The following ANKRD31 variants were observed in gnomAD, a reference collection of about 807,000 sequenced individuals.
ANKRD31 encodes ankyrin repeat domain 31.
A neutral mutation model predicts 186.0 loss-of-function variants in ANKRD31; 147 were observed. That is an observed-to-expected ratio of 0.79 (90% confidence interval 0.69 to 0.91). ANKRD31 has a LOEUF of 0.91. Among genes scored for constraint, ANKRD31 ranks in the 40% least tolerant of loss-of-function variants. The pLI is 0.00. For missense variants in ANKRD31, 1,986 were observed against 2,148.8 expected (o/e 0.92, Z 1.50); for synonymous variants, 673 against 736.4 (o/e 0.91, Z 1.39).
Position 75,146,985 on chromosome 5 carries a change from T to A in ANKRD31, c.2426A>T (p.His809Leu). The change falls in exon 14 of 26, where the codon CAC becomes CTC. Residue 809 changes from histidine (H) to leucine (L), a missense_variant. Physicochemically the swap from His to Leu is moderately conservative, Grantham distance 99. Coordinates refer to ENST00000506364, the MANE Select transcript of ANKRD31 (RefSeq NM_001372053.1). ...TEACSVSKEK[H>L]IQNLDLSDSQ... ...ATCTGATAAATCCAGGTTCTGGATG[T>A]GTTTCTCTTTGGAAACTGAACAAGC... 6.5e-7 allele frequency: 1 copy of A among 1,536,368 alleles called. No homozygotes were observed. The highest frequency in any genetic ancestry group is 8.7e-7 in the Non-Finnish European group (1 of 1,146,308).
intron 17 of ANKRD31, among the ~76,000 whole-genome samples, chr5:75,135,630 T>C (rs551795531): frequency 1.3e-3 from 194 of 152,306 alleles, no homozygotes; most frequent in Admixed American, 2.5e-3. Context: ...CCCATCAAGC[T>C]ACCAATGACT....
rs191847186 is a variant in ANKRD31, at chr5:75,180,421, G to A, written c.1564+8072C>T. Among the ~76,000 whole-genome samples the A allele has an allele frequency of 4.9e-3, 751 of 152,236 alleles. 13 individuals are homozygous for A. The highest frequency in any genetic ancestry group is 0.017 in the African/African-American group (691 of 41,538). Reference sequence around the variant, plus strand: ...ATGGAACCAAAAAAGAGCCCGCATCGCCAAGTCAATCCTGAGCCAAAAGAA... The same window carrying A: ...ATGGAACCAAAAAAGAGCCCGCATCACCAAGTCAATCCTGAGCCAAAAGAA... On this transcript the variant is annotated intron_variant, in intron 10 of 25. Transcript: ENST00000506364.
chr5:75,133,348 A>C (rs993583041), intron 17 of ANKRD31, among the ~76,000 whole-genome samples: 1 of 152,110 alleles, frequency 6.6e-6, no homozygotes, highest in Non-Finnish European at 1.5e-5. Flanking sequence ...AAAAAAAAAA[A>C]CAAGTATTGC....
intron 2 of ANKRD31, 134 bp from the exon 3 acceptor site, chr5:75,222,492 T>TAAAA: frequency 1.6e-6 from 1 of 640,828 alleles, no homozygotes; most frequent in Non-Finnish European, 2.5e-6. Context: ...TCATTTCTTC[T>TAAAA]AAAAAAAAAC....
chr5:75,176,452 C>A (rs1282535701), intron 10 of ANKRD31, among the ~76,000 whole-genome samples: 4 of 152,200 alleles, frequency 2.6e-5, no homozygotes, highest in Non-Finnish European at 4.4e-5. Flanking sequence ...GGGTCCCTGA[C>A]CCCCGAGTAG....
chr5:75,230,534 A>T lies in ANKRD31; in HGVS notation c.178+28T>A, dbSNP rs1331377407. On this transcript the variant is annotated intron_variant, in intron 2 of 25. Coordinates refer to ENST00000506364, the MANE Select transcript of ANKRD31 (RefSeq NM_001372053.1). ...GGGGACTAACTGGGAAACTAAAGGG[A>T]CTACTTAATGAAAAGAATCATTCTC... is the stretch of plus-strand genomic sequence containing the variant. The T allele has an allele frequency of 6.7e-6, 10 of 1,499,846 alleles. No homozygotes were observed. The East Asian group carries it at 2.5e-4, about 37-fold the overall frequency. The allele number at this position is 1,499,846 out of a possible 1,614,324, so 92.9% of individuals were successfully genotyped here. A position where few individuals can be genotyped will look rare whatever the true frequency, so the allele number is the denominator to read the frequency against.
chr5:75,214,855 A>G (rs766188299), intron 3 of ANKRD31, among the ~76,000 whole-genome samples: 31 of 152,224 alleles, frequency 2.0e-4, no homozygotes, highest in Non-Finnish European at 4.1e-4. Flanking sequence ...TATCTTCTAG[A>G]TGACCAAAAA....
chr5:75,104,585 T>C lies in ANKRD31; in HGVS notation c.4974A>G (p.Pro1658=), dbSNP rs962517874. 5 of 1,536,246 alleles carry C rather than the reference T, an allele frequency of 3.3e-6. No homozygotes were observed. Among genetic ancestry groups the C allele is most frequent in the Non-Finnish European group, 4.4e-6 (5 of 1,146,584 alleles). ...GGTCCTGATCACAAATAATATTTGATGGATGGGCAGCATTTTCGGCAAGGA... is the reference window on the plus strand; with the variant it reads ...GGTCCTGATCACAAATAATATTTGACGGATGGGCAGCATTTTCGGCAAGGA... ...ASVLAENAAH[P]SNIICDQDLS... The change falls in exon 22 of 26, where the codon CCA becomes CCG. Residue 1658 remains proline (P), a synonymous_variant. Coordinates refer to ENST00000506364, the MANE Select transcript of ANKRD31 (RefSeq NM_001372053.1).
chr5:75,191,380 A>G (rs1755097792), intron 9 of ANKRD31, among the ~76,000 whole-genome samples: 1 of 152,090 alleles, frequency 6.6e-6, no homozygotes, highest in South Asian at 2.1e-4. Context: ...AGTGTCAAAT[A>G]ACTTTAATTT....
rs374288295 is a variant in ANKRD31 at position 75,089,173 on chromosome 5, G to C, written c.5472+2088C>G. Among the ~76,000 whole-genome samples the C allele has an allele frequency of 4.6e-5, 7 of 152,272 alleles. No homozygotes were observed. The South Asian group carries it at 1.2e-3, about 27-fold the overall frequency. On this transcript the variant is annotated intron_variant, in intron 23 of 25. Coordinates refer to ENST00000506364, the MANE Select transcript of ANKRD31 (RefSeq NM_001372053.1). The stretch of plus-strand genomic sequence containing the variant: ...AAAGAGTGGAACCAGGAACTAGCTT[G>C]GTCTGCTGCCTCCCACCCACAAATC...
At chr5:75,183,761 G>T (rs912841464) in intron 10 of ANKRD31, among the ~76,000 whole-genome samples, 1 of 151,908 alleles carries the variant, frequency 6.6e-6, no homozygotes, top group Non-Finnish European at 1.5e-5. Flanking sequence ...AGATTGAAGA[G>T]GACACATATA....
intron 24 of ANKRD31, among the ~76,000 whole-genome samples, chr5:75,083,049 AT>A (rs1246653924): frequency 6.6e-6 from 1 of 152,180 alleles, no homozygotes; most frequent in Non-Finnish European, 1.5e-5. Flanking sequence ...ATTTTTTCAA[AT>A]TTTGGAATAT....
At chr5:75,095,581 T>A (rs1225573744) in intron 22 of ANKRD31, among the ~76,000 whole-genome samples, 1 of 152,162 alleles carries the variant, frequency 6.6e-6, no homozygotes, top group Non-Finnish European at 1.5e-5. Flanking sequence ...GCCCAGGATG[T>A]GAATCATCCT....
intron 3 of ANKRD31, among the ~76,000 whole-genome samples, chr5:75,215,641 ATCT>A (rs1280454712): frequency 8.1e-4 from 123 of 152,260 alleles, no homozygotes; most frequent in African/African-American, 2.8e-3. Context: ...CAAATCAAAG[ATCT>A]TCTATTTCTT....
chr5:75,117,239 C>G (rs1177841083), intron 18 of ANKRD31, among the ~76,000 whole-genome samples: 2 of 152,122 alleles, frequency 1.3e-5, no homozygotes, highest in Non-Finnish European at 2.9e-5. Flanking sequence ...CTATCAACAA[C>G]TCCAAATGCA....
chr5:75,130,747 C>A (rs1191435388), intron 17 of ANKRD31, among the ~76,000 whole-genome samples: 1 of 152,134 alleles, frequency 6.6e-6, no homozygotes, highest in Non-Finnish European at 1.5e-5. Flanking sequence ...CGGGTCCCCA[C>A]CCAATTAGCT....
chr5:75,162,369 T>C (rs1580458285), intron 11 of ANKRD31, among the ~76,000 whole-genome samples: 1 of 152,228 alleles, frequency 6.6e-6, no homozygotes, highest in East Asian at 1.9e-4. Context: ...CCCTTCATTT[T>C]GGCCAATTTC....
At chr5:75,175,585 A>AATGG (rs1753723566) in intron 10 of ANKRD31, among the ~76,000 whole-genome samples, 1 of 152,072 alleles carries the variant, frequency 6.6e-6, no homozygotes, top group Non-Finnish European at 1.5e-5. Context: ...GTATCTGTCA[A>AATGG]CATTCATCAA....
At chr5:75,217,951 G>A (rs528520491) in intron 3 of ANKRD31, among the ~76,000 whole-genome samples, 7 of 152,184 alleles carry the variant, frequency 4.6e-5, no homozygotes, top group African/African-American at 1.7e-4. Flanking sequence ...GGAAGTTCTG[G>A]TGGTAATGAA....
Sources: allele counts gnomAD v4.1 joint callset (sites outside exome capture counted in the v4.1 genomes callset), GRCh38; gene constraint gnomAD v4.1.1; transcripts MANE v1.5; gene names NCBI Gene and HGNC (gene_info 2026-07-23, HGNC 2026-07-21).